Variants in ITGAE observed in about 807,000 individuals in gnomAD.
ITGAE encodes the protein integrin alpha-E.
ITGAE carries 99 observed loss-of-function variants against 136.5 expected under a neutral mutation model. The observed-to-expected ratio is 0.73, with a 90% CI of 0.62 to 0.86. The LOEUF is 0.86. Ranked by LOEUF, ITGAE falls within the 40% of genes least tolerant of loss-of-function variation. The probability of loss-of-function intolerance (pLI) is 0.00; values close to 1 mark genes in which losing one functional copy is unlikely to be tolerated. For missense variants in ITGAE, 1,447 were observed against 1,515.3 expected (o/e 0.95, Z 0.75); for synonymous variants, 613 against 591.8 (o/e 1.04, Z -0.52).
chr17:3,723,907 G>A, intron 26 of ITGAE, 163 bp from the exon 27 acceptor site: 1 of 1,535,150 alleles, frequency 6.5e-7, no homozygotes, highest in Non-Finnish European at 8.7e-7. Flanking sequence ...CGCGATGTTT[G>A]CGTTTGAACC....
chr17:3,772,185 T>A (rs2052440250), intron 2 of ITGAE, among the ~76,000 whole-genome samples: 1 of 152,184 alleles, frequency 6.6e-6, no homozygotes, highest in Admixed American at 6.5e-5. Context: ...CAAATCCTAG[T>A]AGACGCTGAT....
At chr17:3,756,153 C>CA (rs1395203809) in intron 10 of ITGAE, among the ~76,000 whole-genome samples, 5 of 151,686 alleles carry the variant, frequency 3.3e-5, no homozygotes, top group Middle Eastern at 3.4e-3. Context: ...CTTGTTTCTC[C>CA]AGCACCAGCT....
At chr17:3,724,500 A>G in intron 26 of ITGAE, 1 of 1,613,892 alleles carries the variant, frequency 6.2e-7, no homozygotes, top group Non-Finnish European at 8.5e-7. Flanking sequence ...TGTCATCTCG[A>G]TCGGCACCTC....
intron 7 of ITGAE, 63 bp from the exon 8 acceptor site, chr17:3,759,616 C>T: frequency 6.4e-7 from 1 of 1,570,464 alleles, no homozygotes; most frequent in South Asian, 1.1e-5. Flanking sequence ...CCTGAAATGT[C>T]TCCCGCTGGA....
intron 20 of ITGAE, among the ~76,000 whole-genome samples, 193 bp downstream of exon 20, chr17:3,739,612 G>A (rs980434434): frequency 6.6e-6 from 1 of 152,170 alleles, no homozygotes; most frequent in Non-Finnish European, 1.5e-5. Flanking sequence ...AATCTAGAAA[G>A]TGGGAAGACA....
intron 18 of ITGAE, among the ~76,000 whole-genome samples, chr17:3,744,367 C>T (rs572727875): frequency 1.4e-4 from 22 of 152,046 alleles, no homozygotes; most frequent in African/African-American, 5.1e-4. Flanking sequence ...GGTTCTTATC[C>T]CAGTCACAAA....
intron 9 of ITGAE, 129 bp downstream of exon 9, chr17:3,757,577 G>T: frequency 1.0e-6 from 1 of 999,540 alleles, no homozygotes; most frequent in Non-Finnish European, 1.5e-6. Context: ...ATGGAGAGAA[G>T]AGGAGCATTT....
intron 19 of ITGAE, among the ~76,000 whole-genome samples, chr17:3,742,572 AG>A: frequency 6.6e-6 from 1 of 151,148 alleles, no homozygotes; most frequent in Non-Finnish European, 1.5e-5. Flanking sequence ...CTCCTGCCTC[AG>A]CCTCCTGAGT....
intron 1 of ITGAE, among the ~76,000 whole-genome samples, chr17:3,800,054 A>C (rs780472491): frequency 6.6e-6 from 1 of 152,212 alleles, no homozygotes; most frequent in Non-Finnish European, 1.5e-5. Flanking sequence ...GGGAGGCAGA[A>C]GTTATGGTGA....
intron 22 of ITGAE, 152 bp from the exon 23 acceptor site, chr17:3,731,335 C>CT (rs78134599): frequency 0.01 from 4,123 of 396,042 alleles, 1 homozygote; most frequent in South Asian, 0.03. Context: ...CTTTCCCTTC[C>CT]TTTTTTTTTT....
At position 3,755,844 on chromosome 17, in the gene ITGAE, G is replaced by A. The variant is rs1389036130; in HGVS notation, c.1225C>T (p.Gln409Ter). 9 of 1,596,710 alleles carry A rather than the reference G, an allele frequency of 5.6e-6. No homozygotes were observed. Among genetic ancestry groups the A allele is most frequent in the East Asian group, 2.2e-5 (1 of 44,448 alleles). ...YQLAQIGFSAQILDERQVLLG... is the reference protein window; with the variant it reads ...YQLAQIGFSA ...CAGCCACGTACCTCATCCAGGATCT[G>A]AGCACTGAAGCCAATCTGTGCCAGC... The change falls in exon 11 of 31, where the codon CAG becomes TAG. Residue 409 changes from glutamine (Q) to a stop codon, truncating the protein, a stop_gained. Transcript: ENST00000263087. LOFTEE classifies it high-confidence loss of function.
rs398041526 is a variant in ITGAE, at chr17:3,756,224, CTTTTTT to C, written c.1172-333_1172-328del. ...AAGGAGGCCTGGGGATATTGTTGGC[CTTTTTT>C]TTTTTTTTTTTTTTTTTTTTTGAGA... On this transcript the variant is annotated intron_variant, in intron 10 of 30. Transcript: ENST00000263087. Among the ~76,000 whole-genome samples, 493 of 95,026 alleles carry C rather than the reference CTTTTTT, an allele frequency of 5.2e-3. 59 individuals are homozygous for C. Among genetic ancestry groups the C allele is most frequent in the African/African-American group, 0.018 (440 of 25,124 alleles). The allele number at this position is 95,026 out of a possible 152,430, so 62.3% of individuals were successfully genotyped here. A position where few individuals can be genotyped will look rare whatever the true frequency, so the allele number is the denominator to read the frequency against.
intron 1 of ITGAE, among the ~76,000 whole-genome samples, chr17:3,787,863 T>A (rs1360378693): frequency 6.6e-6 from 1 of 151,942 alleles, no homozygotes; most frequent in African/African-American, 2.4e-5. Flanking sequence ...AATTTTTGTA[T>A]TTTTAGTAGA....
intron 1 of ITGAE, among the ~76,000 whole-genome samples, chr17:3,791,487 T>G (rs1025427649): frequency 2.6e-5 from 4 of 152,122 alleles, no homozygotes; most frequent in Admixed American, 2.6e-4. Flanking sequence ...TTCGCCATGT[T>G]GGCCAGGCTG....
rs2052570409 is a variant in ITGAE at position 3,777,448 on chromosome 17, G to T, written c.155+92C>A. ...GGAGTTCCTCTCCTGACGGTGGGGTGGGGTGGGCTGCCATGGCCGTCTCTG... is the reference window on the plus strand; with the variant it reads ...GGAGTTCCTCTCCTGACGGTGGGGTTGGGTGGGCTGCCATGGCCGTCTCTG... On this transcript the variant is annotated intron_variant, in intron 2 of 30. Coordinates refer to ENST00000263087, the MANE Select transcript of ITGAE (RefSeq NM_002208.5). 17 of 1,457,724 alleles carry T rather than the reference G, an allele frequency of 1.2e-5. No individual in the cohort carries two copies. The South Asian group carries it at 2.1e-4, about 18-fold the overall frequency. The allele number at this position is 1,457,724 out of a possible 1,614,324, so 90.3% of individuals were successfully genotyped here. A position where few individuals can be genotyped will look rare whatever the true frequency, so the allele number is the denominator to read the frequency against.
At chr17:3,784,654 A>C (rs2052743984) in intron 1 of ITGAE, among the ~76,000 whole-genome samples, 1 of 152,180 alleles carries the variant, frequency 6.6e-6, no homozygotes, top group South Asian at 2.1e-4. Context: ...CAGCCTCCTA[A>C]AGTGCTGGGA....
chr17:3,714,743 C>G lies in ITGAE; in HGVS notation c.*104G>C. 1 of 646,850 alleles carries G rather than the reference C, an allele frequency of 1.5e-6. No individual in the cohort carries two copies. The highest frequency in any genetic ancestry group is 2.9e-5 in the Admixed American group (1 of 34,700). The allele number at this position is 646,850 out of a possible 1,614,324, so 40.1% of individuals were successfully genotyped here. On this transcript the variant is annotated 3_prime_UTR_variant, in exon 31 of 31. Transcript: ENST00000263087. ...TTAAAAACTAATATTCTACCAACAG[C>G]TCCATGCTGCTCTAGATCATCCTGA... is the stretch of plus-strand genomic sequence containing the variant.
At chr17:3,723,811 G>C in intron 26 of ITGAE, 67 bp from the exon 27 acceptor site, 1 of 1,581,480 alleles carries the variant, frequency 6.3e-7, no homozygotes, top group Non-Finnish European at 8.6e-7. Flanking sequence ...TCCCGTCCCG[G>C]CCCCGGCCCT....
chr17:3,742,560 T>C (rs950037801), intron 19 of ITGAE, among the ~76,000 whole-genome samples: 2 of 150,166 alleles, frequency 1.3e-5, no homozygotes, highest in African/African-American at 4.9e-5. Flanking sequence ...GGTCAAGCAA[T>C]TCTCCTGCCT....
Sources: allele counts gnomAD v4.1 joint callset (sites outside exome capture counted in the v4.1 genomes callset), GRCh38; gene constraint gnomAD v4.1.1; transcripts MANE v1.5; gene names NCBI Gene and HGNC (gene_info 2026-07-23, HGNC 2026-07-21).